Variants in FNDC3B observed in about 807,000 individuals in gnomAD.
The protein encoded by FNDC3B is fibronectin type III domain containing 3B.
FNDC3B carries 12 observed loss-of-function variants against 151.5 expected under a neutral mutation model. That is an observed-to-expected ratio of 0.08 (90% confidence interval 0.05 to 0.13). The LOEUF is 0.13. FNDC3B is among the 10% of genes least tolerant of loss of function. The pLI is 1.00. For missense variants in FNDC3B, 1,214 were observed against 1,505.3 expected, an observed-to-expected ratio of 0.81 and a Z score of 3.20; for synonymous variants, 528 against 549.0, an observed-to-expected ratio of 0.96 and a Z score of 0.54.
chr3:172,053,685 T>A (rs1716778706), intron 1 of FNDC3B, among the ~76,000 whole-genome samples: 1 of 149,984 alleles, frequency 6.7e-6, no homozygotes, highest in Non-Finnish European at 1.5e-5. Flanking sequence ...GGCAGGAGAA[T>A]CATTTGAACC....
Position 172,272,685 on chromosome 3 carries a change from T to C in FNDC3B, c.791-13241T>C, listed in dbSNP as rs139028403. 8.3e-3 allele frequency among the ~76,000 whole-genome samples: 1,266 copies of C among 152,354 alleles called. 16 individuals carry two copies. Among genetic ancestry groups the C allele is most frequent in the African/African-American group, 0.029 (1,210 of 41,574 alleles). On this transcript the variant is annotated intron_variant, in intron 6 of 25. Coordinates refer to ENST00000415807, the MANE Select transcript of FNDC3B (RefSeq NM_022763.4). ...AAACCGAATATGATGATCTTAGAACTTCCTTAATTTCTTTCTTTCCACTCT... is the reference window on the plus strand; with the variant it reads ...AAACCGAATATGATGATCTTAGAACCTCCTTAATTTCTTTCTTTCCACTCT...
At chr3:172,067,314 T>C (rs1717547323) in intron 1 of FNDC3B, among the ~76,000 whole-genome samples, 1 of 152,178 alleles carries the variant, frequency 6.6e-6, no homozygotes, top group African/African-American at 2.4e-5. Flanking sequence ...GCCTGATTGA[T>C]GTGCTTTTTG....
At chr3:172,156,436 C>T (rs1260031330) in intron 3 of FNDC3B, among the ~76,000 whole-genome samples, 5 of 152,200 alleles carry the variant, frequency 3.3e-5, no homozygotes, top group Admixed American at 1.3e-4. Context: ...AGGAAGTGTG[C>T]GCAAGACATA....
Position 172,344,255 on chromosome 3 carries a change from A to AG in FNDC3B, c.2250+1dup. On this transcript the variant is annotated frameshift_variant, in exon 19 of 26. Transcript: ENST00000415807. LOFTEE classifies it high-confidence loss of function. Reference sequence around the variant, plus strand: ...TCCGGGTGAGGGCTCTGAATGATGGAGGGGTGAGTATAAGCCCATACACCA... The same window carrying AG: ...TCCGGGTGAGGGCTCTGAATGATGGAGGGGGTGAGTATAAGCCCATACACCA... The AG allele has an allele frequency of 6.2e-7, 1 of 1,613,586 alleles. No homozygotes were observed. Among genetic ancestry groups the AG allele is most frequent in the Non-Finnish European group, 8.5e-7 (1 of 1,179,684 alleles).
At chr3:172,331,238 T>A (rs1042480499) in intron 13 of FNDC3B, among the ~76,000 whole-genome samples, 1 of 152,158 alleles carries the variant, frequency 6.6e-6, no homozygotes, top group African/African-American at 2.4e-5. Flanking sequence ...TCCCCTCTTT[T>A]TCAGAGTAAA....
intron 2 of FNDC3B, among the ~76,000 whole-genome samples, chr3:172,117,775 A>G (rs1559974064): frequency 6.6e-6 from 1 of 152,232 alleles, no homozygotes; most frequent in East Asian, 1.9e-4. Context: ...TATGGAGGAC[A>G]TCGAGTAAAT....
intron 3 of FNDC3B, among the ~76,000 whole-genome samples, chr3:172,210,262 G>T (rs1404186347): frequency 4.6e-5 from 7 of 152,190 alleles, no homozygotes; most frequent in Admixed American, 4.6e-4. Flanking sequence ...CTCCACGTGG[G>T]CTACCACTGC....
intron 6 of FNDC3B, among the ~76,000 whole-genome samples, chr3:172,260,086 A>G (rs1214912440): frequency 6.6e-6 from 1 of 152,250 alleles, no homozygotes; most frequent in African/African-American, 2.4e-5. Flanking sequence ...TGATCATGAC[A>G]GCATTTAGAT....
chr3:172,043,136 C>A (rs965457699), intron 1 of FNDC3B, among the ~76,000 whole-genome samples: 55 of 152,264 alleles, frequency 3.6e-4, no homozygotes, highest in Admixed American at 2.3e-3. Context: ...AGGCTGGTCA[C>A]GAACTCCTGA....
chr3:172,198,159 T>G (rs1724943230), intron 3 of FNDC3B, among the ~76,000 whole-genome samples: 2 of 152,214 alleles, frequency 1.3e-5, no homozygotes, highest in Non-Finnish European at 2.9e-5. Flanking sequence ...TTCAAAGAGA[T>G]GTTTCATATT....
At position 172,394,000 on chromosome 3, in the gene FNDC3B, C is replaced by T. The variant is rs188963364; in HGVS notation, c.3304-3164C>T. On this transcript the variant is annotated intron_variant, in intron 25 of 25. Transcript: ENST00000415807. ...ACGGGTGCCTGTAGTCCCAGGTACT[C>T]GGGAGGCTGAGGCAGGAGAATGGTG... Among the ~76,000 whole-genome samples the T allele has an allele frequency of 5.0e-3, 726 of 146,066 alleles. 6 individuals carry two copies. Among genetic ancestry groups the T allele is most frequent in the African/African-American group, 0.017 (669 of 39,570 alleles).
intron 3 of FNDC3B, among the ~76,000 whole-genome samples, chr3:172,206,321 A>G (rs1310090748): frequency 1.3e-5 from 2 of 152,144 alleles, no homozygotes; most frequent in Non-Finnish European, 2.9e-5. Context: ...TTGCGTGAAT[A>G]ATGTTGTTTG....
chr3:172,113,579 G>A (rs1194391602), intron 2 of FNDC3B, among the ~76,000 whole-genome samples: 1 of 152,154 alleles, frequency 6.6e-6, no homozygotes, highest in Non-Finnish European at 1.5e-5. Context: ...TTTGTTAGTT[G>A]AATGCATTTC....
At position 172,050,701 on chromosome 3, in the gene FNDC3B, G is replaced by A. The variant is rs892449271; in HGVS notation, c.-29+10930G>A. ...GCCCAGCCTTTGTGGGTATATTTTCGTGTGTGTGTGTGTGTGTGTGTGTGT... is the reference window on the plus strand; with the variant it reads ...GCCCAGCCTTTGTGGGTATATTTTCATGTGTGTGTGTGTGTGTGTGTGTGT... On this transcript the variant is annotated intron_variant, in intron 1 of 25. Coordinates refer to ENST00000415807, the MANE Select transcript of FNDC3B (RefSeq NM_022763.4). Among the ~76,000 whole-genome samples, 30 of 20,288 alleles carry A rather than the reference G, an allele frequency of 1.5e-3. 1 individual carries two copies. In the South Asian group the frequency reaches 0.018, roughly 12 times the overall value. 13.3% of individuals were successfully genotyped at this position (20,288 alleles called of 152,430 possible). A position where few individuals can be genotyped will look rare whatever the true frequency, so the allele number is the denominator to read the frequency against.
At chr3:172,042,180 A>G (rs1716119542) in intron 1 of FNDC3B, among the ~76,000 whole-genome samples, 1 of 152,234 alleles carries the variant, frequency 6.6e-6, no homozygotes, top group African/African-American at 2.4e-5. Flanking sequence ...TACAGTATAT[A>G]CAATTTCAGA....
intron 3 of FNDC3B, among the ~76,000 whole-genome samples, chr3:172,150,748 T>TAC (rs1353940424): frequency 6.6e-6 from 1 of 152,128 alleles, no homozygotes; most frequent in Admixed American, 6.5e-5. Flanking sequence ...AGTTTGTGGG[T>TAC]ACATAGTAAG....
At chr3:172,297,145 T>G (rs559973711) in intron 8 of FNDC3B, among the ~76,000 whole-genome samples, 1 of 152,300 alleles carries the variant, frequency 6.6e-6, no homozygotes, top group South Asian at 2.1e-4. Flanking sequence ...TTCTTTGAAT[T>G]TTTTTTCAAA....
intron 3 of FNDC3B, among the ~76,000 whole-genome samples, chr3:172,157,020 G>A (rs1003969050): frequency 1.3e-5 from 2 of 152,174 alleles, no homozygotes; most frequent in Admixed American, 1.3e-4. Context: ...GTGAAAAGTT[G>A]TAAGGGGATT....
At chr3:172,089,954 A>C (rs1172157288) in intron 1 of FNDC3B, among the ~76,000 whole-genome samples, 1 of 152,154 alleles carries the variant, frequency 6.6e-6, no homozygotes. Flanking sequence ...CATTTGTATC[A>C]GTGTTTTGGG....
Sources: gnomAD v4.1 joint callset for allele counts (sites outside exome capture counted in the v4.1 genomes callset) on GRCh38, gnomAD v4.1.1 for gene constraint, MANE v1.5 for transcripts, NCBI Gene and HGNC (gene_info 2026-07-23, HGNC 2026-07-21) for gene names.